The following CCDC174 variants were observed in gnomAD, a reference collection of about 807,000 sequenced individuals.
CCDC174 encodes coiled-coil domain-containing protein 174.
A neutral mutation model predicts 57.1 loss-of-function variants in CCDC174; 37 were observed. The ratio of observed to expected loss-of-function variants is 0.65; its 90% CI spans 0.50 to 0.85. The LOEUF (loss-of-function observed/expected upper bound fraction) is 0.85, where lower values mean the gene tolerates loss of function less well. Among genes scored for constraint, CCDC174 ranks in the 40% least tolerant of loss-of-function variants. CCDC174 has a pLI of 0.00. For synonymous variants in CCDC174, 182 were observed against 190.2 expected (o/e 0.96, Z 0.35); for missense variants, 540 against 574.3 (o/e 0.94, Z 0.61).
chr3:14,661,648 C>T lies in CCDC174; in HGVS notation c.426C>T (p.Asp142=), dbSNP rs766001252. Residue 142 remains aspartate (D), a synonymous_variant, in exon 5 of 11, where the codon GAC becomes GAT. Transcript: ENST00000383794. Reference sequence around the variant, plus strand: ...CTCAAAAGGCAGGAGAAAGGGACGACGATGAGGAAAACCTTCCTGAGGGAG... The same window carrying T: ...CTCAAAAGGCAGGAGAAAGGGACGATGATGAGGAAAACCTTCCTGAGGGAG... ...RDSQKAGERD[D]DEENLPEGEI... The T allele has an allele frequency of 1.8e-5, 29 of 1,613,984 alleles. No individual in the cohort carries two copies. The highest frequency in any genetic ancestry group is 1.6e-4 in the South Asian group (15 of 91,088).
chr3:14,655,449 T>G (rs1160438075), intron 2 of CCDC174, 80 bp from the exon 3 acceptor site: 1 of 553,704 alleles, frequency 1.8e-6, no homozygotes, highest in African/African-American at 2.5e-5. Flanking sequence ...ATCTCCTTTG[T>G]TTTTTTTTTT....
chr3:14,669,893 G>A, intron 9 of CCDC174, 41 bp from the exon 10 acceptor site: 1 of 1,597,918 alleles, frequency 6.3e-7, no homozygotes, highest in Non-Finnish European at 8.5e-7. Flanking sequence ...AATAGCTTTA[G>A]GCTTTTTTAT....
intron 10 of CCDC174, 45 bp downstream of exon 10, chr3:14,670,131 G>A (rs766468503): frequency 2.6e-6 from 4 of 1,565,028 alleles, no homozygotes; most frequent in Non-Finnish European, 3.4e-6. Context: ...CCAGTGAATG[G>A]AAAATGGTTT....
rs752425007 is a variant in CCDC174 at position 14,655,506 on chromosome 3, T to C, written c.148-23T>C. On this transcript the variant is annotated intron_variant, in intron 2 of 10. Transcript: ENST00000383794. ...TTTTGGCAATCATGTGGTTCTGTTT[T>C]GTCTTCTAAAATTATTCTCCAGAAA... 1.8e-5 allele frequency: 27 copies of C among 1,540,054 alleles called. No homozygotes were observed. In the Middle Eastern group the frequency reaches 5.1e-4, roughly 29 times the overall value.
In CCDC174 at chr3:14,671,320, G is replaced by T. The variant is rs561110736; in HGVS notation, c.*126G>T. 2.0e-6 allele frequency: 2 copies of T among 1,018,848 alleles called. No individual in the cohort carries two copies. Among genetic ancestry groups the T allele is most frequent in the East Asian group, 5.0e-5 (2 of 40,284 alleles). 63.1% of individuals were successfully genotyped at this position (1,018,848 alleles called of 1,614,324 possible). A position where few individuals can be genotyped will look rare whatever the true frequency, so the allele number is the denominator to read the frequency against. On this transcript the variant is annotated 3_prime_UTR_variant, in exon 11 of 11. Coordinates refer to ENST00000383794, the MANE Select transcript of CCDC174 (RefSeq NM_016474.5). ...TTTCCCTAGGAGGCACAGACTTCGG[G>T]TTGGATTTGTCAGCAAGGAGGAAAG...
intron 3 of CCDC174, among the ~76,000 whole-genome samples, chr3:14,657,159 C>G (rs1419867169): frequency 6.6e-6 from 1 of 152,204 alleles, no homozygotes; most frequent in Non-Finnish European, 1.5e-5. Context: ...TGGCACTTTG[C>G]TGTGCTTTTT....
In CCDC174 at chr3:14,671,424, G is replaced by T. The variant is rs1053942271; in HGVS notation, c.*230G>T. 4 of 521,120 alleles carry T rather than the reference G, an allele frequency of 7.7e-6. No homozygotes were observed. Among genetic ancestry groups the T allele is most frequent in the African/African-American group, 1.9e-5 (1 of 52,226 alleles). 32.3% of individuals were successfully genotyped at this position (521,120 alleles called of 1,614,324 possible). ...CATACCTACCTGGATTTACATGTGA[G>T]CTGCGATAGAATAGAAGTATTTATT... On this transcript the variant is annotated 3_prime_UTR_variant, in exon 11 of 11. Transcript: ENST00000383794.
intron 2 of CCDC174, 60 bp from the exon 3 acceptor site, chr3:14,655,469 C>T (rs1308944543): frequency 2.0e-6 from 2 of 1,014,648 alleles, no homozygotes; most frequent in African/African-American, 1.7e-5. Flanking sequence ...TCCTGATGCA[C>T]AAGTAGAGAT....
chr3:14,662,960 C>T lies in CCDC174; in HGVS notation c.485+1253C>T, dbSNP rs1479142299. 2.0e-5 allele frequency among the ~76,000 whole-genome samples: 3 copies of T among 152,232 alleles called. No individual in the cohort carries two copies. In the East Asian group the frequency reaches 5.8e-4, roughly 29 times the overall value. On this transcript the variant is annotated intron_variant, in intron 5 of 10. Transcript: ENST00000383794. ...CTAAATAGTTTGATACCATTTGGAA[C>T]AGGTGTCAGCCTGCAAGCTATAAGA...
At chr3:14,656,880 A>T (rs1478024358) in intron 3 of CCDC174, among the ~76,000 whole-genome samples, 1 of 152,096 alleles carries the variant, frequency 6.6e-6, no homozygotes, top group African/African-American at 2.4e-5. Context: ...GTGCTTTTGG[A>T]TATATGGAAT....
chr3:14,669,787 C>G (rs1283927111), intron 9 of CCDC174, 147 bp from the exon 10 acceptor site: 6 of 694,076 alleles, frequency 8.6e-6, no homozygotes, highest in African/African-American at 1.8e-5. Flanking sequence ...CTGTTGTATA[C>G]AAAAGACTTA....
At chr3:14,653,959 C>T (rs1355502798) in intron 1 of CCDC174, among the ~76,000 whole-genome samples, 1 of 152,188 alleles carries the variant, frequency 6.6e-6, no homozygotes, top group East Asian at 1.9e-4. Flanking sequence ...TTCCTTGTTA[C>T]ATTGTAGGCT....
intron 9 of CCDC174, 152 bp from the exon 10 acceptor site, chr3:14,669,782 G>A (rs974957724): frequency 1.5e-6 from 1 of 657,802 alleles, no homozygotes; most frequent in Non-Finnish European, 2.6e-6. Flanking sequence ...ATGACCTGTT[G>A]TATACAAAAG....
Position 14,668,034 on chromosome 3 carries a change from T to A in CCDC174, c.820-15T>A. On this transcript the variant is annotated splice_polypyrimidine_tract_variant and intron_variant, in intron 8 of 10. Coordinates refer to ENST00000383794, the MANE Select transcript of CCDC174 (RefSeq NM_016474.5). ...ATTTGGCTTCAAGCAAATAATTTTC[T>A]GATTTTCTGTTCAGACAACAGATCA... The A allele has an allele frequency of 6.4e-7, 1 of 1,550,588 alleles. No homozygotes were observed. Among genetic ancestry groups the A allele is most frequent in the Non-Finnish European group, 8.7e-7 (1 of 1,152,872 alleles).
Position 14,672,401 on chromosome 3 carries a change from G to T in CCDC174, c.*1207G>T, listed in dbSNP as rs1383208648. On this transcript the variant is annotated 3_prime_UTR_variant, in exon 11 of 11. Transcript: ENST00000383794. ...TGGAGGGGTCGATGACTTGTGCAGG[G>T]TCATATGGTACCTAAGGGGCAGATC... The T allele has an allele frequency of 6.6e-6, 1 of 152,296 alleles. No homozygotes were observed. The highest frequency in any genetic ancestry group is 2.4e-5 in the African/African-American group (1 of 41,436). 9.4% of individuals were successfully genotyped at this position (152,296 alleles called of 1,614,324 possible).
intron 4 of CCDC174, 113 bp from the exon 5 acceptor site, chr3:14,661,417 C>G: frequency 2.5e-6 from 2 of 798,968 alleles, no homozygotes; most frequent in Non-Finnish European, 4.1e-6. Flanking sequence ...GAGGCATTGG[C>G]TGATGAGCTG....
intron 9 of CCDC174, among the ~76,000 whole-genome samples, chr3:14,669,332 C>G (rs58774591): frequency 0.017 from 2,607 of 152,310 alleles, 36 homozygotes; most frequent in African/African-American, 0.042. Context: ...CAGATAAATG[C>G]TCGCTCTATA....
chr3:14,662,128 C>T (rs193113815), intron 5 of CCDC174, among the ~76,000 whole-genome samples: 5 of 152,206 alleles, frequency 3.3e-5, no homozygotes, highest in Non-Finnish European at 4.4e-5. Context: ...AGAAGGAAGC[C>T]GGCAGAGGTG....
Position 14,671,136 on chromosome 3 carries a change from C to G in CCDC174, c.1346C>G (p.Pro449Arg), listed in dbSNP as rs1053419364. The change falls in exon 11 of 11, where the codon CCC becomes CGC. Residue 449 changes from proline to arginine, a missense_variant. Coordinates refer to ENST00000383794, the MANE Select transcript of CCDC174 (RefSeq NM_016474.5). ...TPAPDNPPQA[P>R]TVTFKTLDDM... ...GCCCCCGACAACCCACCACAAGCCC[C>G]CACAGTTACTTTCAAAACTCTGGAT... 1.2e-6 allele frequency: 2 copies of G among 1,613,752 alleles called. No individual in the cohort carries two copies. Among genetic ancestry groups the G allele is most frequent in the Admixed American group, 1.7e-5 (1 of 59,938 alleles).
Sources: gnomAD v4.1 joint callset for allele counts (sites outside exome capture counted in the v4.1 genomes callset) on GRCh38, gnomAD v4.1.1 for gene constraint, MANE v1.5 for transcripts, NCBI Gene and HGNC (gene_info 2026-07-23, HGNC 2026-07-21) for gene names.